RPH3A: variants seen among roughly 807,000 people sequenced by gnomAD.
The protein encoded by RPH3A is rabphilin-3A.
In RPH3A, 48 loss-of-function variants were observed where a neutral mutation model predicts 102.2. That is an observed-to-expected ratio of 0.47 (90% confidence interval 0.37 to 0.60). RPH3A has a LOEUF of 0.60. RPH3A is among the 20% of genes least tolerant of loss of function. The pLI is 0.00. For synonymous variants in RPH3A, 310 were observed against 324.3 expected (o/e 0.96, Z 0.47); for missense variants, 781 against 910.1 (o/e 0.86, Z 1.83).
At chr12:112,645,568 T>G (rs1160429438) in intron 1 of RPH3A, among the ~76,000 whole-genome samples, 1 of 152,160 alleles carries the variant, frequency 6.6e-6, no homozygotes, top group Non-Finnish European at 1.5e-5. Context: ...GGATCTTGCT[T>G]TTAGAGAGGC....
chr12:112,692,554 A>T (rs1183073279), intron 1 of RPH3A, among the ~76,000 whole-genome samples: 1 of 152,208 alleles, frequency 6.6e-6, no homozygotes, highest in Non-Finnish European at 1.5e-5. Context: ...GTTCAAGATT[A>T]AGAGACTTGC....
chr12:112,721,200 T>C (rs1388941128), intron 1 of RPH3A, among the ~76,000 whole-genome samples: 1 of 152,180 alleles, frequency 6.6e-6, no homozygotes, highest in Admixed American at 6.5e-5. Context: ...TAGGATAAGC[T>C]CTTCCAGGGG....
chr12:112,722,217 A>G (rs1241642802), intron 1 of RPH3A, among the ~76,000 whole-genome samples: 2 of 152,192 alleles, frequency 1.3e-5, no homozygotes, highest in East Asian at 1.9e-4. Flanking sequence ...TGCCTCAGAG[A>G]TCACATGAGA....
chr12:112,714,795 A>G (rs1257804541), intron 1 of RPH3A, among the ~76,000 whole-genome samples: 1 of 152,194 alleles, frequency 6.6e-6, no homozygotes, highest in African/African-American at 2.4e-5. Context: ...ATGGTTGATT[A>G]GCAATGTCTG....
At chr12:112,771,930 G>A (rs2136072803) in intron 1 of RPH3A, among the ~76,000 whole-genome samples, 2 of 152,180 alleles carry the variant, frequency 1.3e-5, no homozygotes, top group South Asian at 4.2e-4. Flanking sequence ...TGAAACTTTG[G>A]CTTCAGTCAT....
intron 5 of RPH3A, among the ~76,000 whole-genome samples, chr12:112,862,557 C>G (rs1351808475): frequency 6.6e-6 from 1 of 152,216 alleles, no homozygotes; most frequent in Non-Finnish European, 1.5e-5. Context: ...CTTCCTGCCC[C>G]CTCCAATCAT....
rs116517549 is a variant in RPH3A, at chr12:112,731,860, C to T, written c.-139-60283C>T. Among the ~76,000 whole-genome samples the T allele has an allele frequency of 7.0e-3, 1,060 of 152,288 alleles. 16 individuals carry two copies. Among genetic ancestry groups the T allele is most frequent in the African/African-American group, 0.025 (1,019 of 41,548 alleles). ...TGGTTCAGTCCTTGTACATTTTTCT[C>T]TCCCTTTCTCTTGCCCAGTGAGATG... On this transcript the variant is annotated intron_variant, in intron 1 of 21. Coordinates refer to the RPH3A transcript ENST00000543106.
At chr12:112,822,585 T>C (rs746157461) in intron 2 of RPH3A, among the ~76,000 whole-genome samples, 2 of 151,966 alleles carry the variant, frequency 1.3e-5, no homozygotes, top group African/African-American at 2.4e-5. Context: ...GAATCTGGGT[T>C]ACCTGGGGTT....
At chr12:112,671,716 C>T (rs899305785) in intron 1 of RPH3A, among the ~76,000 whole-genome samples, 18 of 152,050 alleles carry the variant, frequency 1.2e-4, no homozygotes, top group African/African-American at 3.6e-4. Flanking sequence ...AAGACCAGAC[C>T]TGCAGCATGG....
At chr12:112,804,203 A>T (rs749560908) in intron 2 of RPH3A, among the ~76,000 whole-genome samples, 1 of 152,210 alleles carries the variant, frequency 6.6e-6, no homozygotes, top group Non-Finnish European at 1.5e-5. Context: ...AGGTTCAGTC[A>T]TCAGGGATGA....
At chr12:112,771,963 A>G (rs1474685422) in intron 1 of RPH3A, among the ~76,000 whole-genome samples, 2 of 152,236 alleles carry the variant, frequency 1.3e-5, no homozygotes, top group African/African-American at 4.8e-5. Context: ...GTGTATGTAT[A>G]AACTGGATTA....
intron 1 of RPH3A, among the ~76,000 whole-genome samples, chr12:112,719,046 G>C (rs906869492): frequency 6.6e-6 from 1 of 152,120 alleles, no homozygotes; most frequent in Non-Finnish European, 1.5e-5. Flanking sequence ...AGGTCATTTG[G>C]CAATGCCATT....
At chr12:112,768,021 T>C (rs919241006) in intron 1 of RPH3A, among the ~76,000 whole-genome samples, 6 of 152,160 alleles carry the variant, frequency 3.9e-5, no homozygotes, top group African/African-American at 1.4e-4. Context: ...TACAATGCTC[T>C]GGAATTAGAC....
chr12:112,690,546 C>T (rs932213344), intron 1 of RPH3A, among the ~76,000 whole-genome samples: 11 of 152,170 alleles, frequency 7.2e-5, no homozygotes, highest in African/African-American at 2.4e-4. Context: ...TCTTATATCC[C>T]TCTGACCACA....
intron 1 of RPH3A, among the ~76,000 whole-genome samples, chr12:112,577,056 CCACTGT>C (rs2039365792): frequency 6.6e-6 from 1 of 151,948 alleles, no homozygotes; most frequent in Non-Finnish European, 1.5e-5. Flanking sequence ...CAGGCATGTG[CCACTGT>C]TACCGGAAAG....
At chr12:112,653,056 A>G (rs2135998350) in intron 1 of RPH3A, among the ~76,000 whole-genome samples, 1 of 152,270 alleles carries the variant, frequency 6.6e-6, no homozygotes, top group South Asian at 2.1e-4. Context: ...GTGTATCTAA[A>G]CATATCTAAA....
chr12:112,656,073 G>T (rs746076217), intron 1 of RPH3A, among the ~76,000 whole-genome samples: 1 of 151,958 alleles, frequency 6.6e-6, no homozygotes, highest in Non-Finnish European at 1.5e-5. Context: ...TGTCGATTTT[G>T]TGCACTTAGG....
Position 112,771,498 on chromosome 12 carries a change from A to G in RPH3A, c.-139-20645A>G, listed in dbSNP as rs1293489776. The stretch of plus-strand genomic sequence containing the variant: ...TTTATATTGCTTCCCTTCTTATGTC[A>G]CTACAAACAATGCTGCAATAAATAT... On this transcript the variant is annotated intron_variant, in intron 1 of 21. Transcript: ENST00000543106. Among the ~76,000 whole-genome samples, 13 of 152,210 alleles carry G rather than the reference A, an allele frequency of 8.5e-5. 1 individual carries two copies. The highest frequency in any genetic ancestry group is 8.5e-4 in the Admixed American group (13 of 15,280).
intron 21 of RPH3A, 69 bp from the exon 22 acceptor site, chr12:112,896,581 A>C: frequency 1.3e-6 from 2 of 1,584,620 alleles, no homozygotes; most frequent in Non-Finnish European, 1.7e-6. Flanking sequence ...TTTTTCCCCA[A>C]CTACACATTT....
Sources: allele counts gnomAD v4.1 joint callset (sites outside exome capture counted in the v4.1 genomes callset), GRCh38; gene constraint gnomAD v4.1.1; transcripts MANE v1.5; gene names NCBI Gene and HGNC (gene_info 2026-07-23, HGNC 2026-07-21).